Variants in TMEM132B observed in about 807,000 individuals in gnomAD.
TMEM132B encodes the protein transmembrane protein 132B.
TMEM132B carries 18 observed loss-of-function variants against 90.8 expected under a neutral mutation model. The ratio of observed to expected loss-of-function variants is 0.20; its 90% CI spans 0.14 to 0.29. The LOEUF (loss-of-function observed/expected upper bound fraction) is 0.29, where lower values mean the gene tolerates loss of function less well. Ranked by LOEUF, TMEM132B falls within the 10% of genes least tolerant of loss-of-function variation. The pLI, the probability that TMEM132B is intolerant of heterozygous loss-of-function variation, is 1.00. For missense variants in TMEM132B, 1,096 were observed against 1,326.8 expected, an observed-to-expected ratio of 0.83 and a Z score of 2.70; for synonymous variants, 504 against 523.3, an observed-to-expected ratio of 0.96 and a Z score of 0.50.
intron 1 of TMEM132B, among the ~76,000 whole-genome samples, chr12:125,260,536 A>G (rs1387772599): frequency 6.6e-6 from 1 of 150,740 alleles, no homozygotes; most frequent in Non-Finnish European, 1.5e-5. Flanking sequence ...TTTCGTAGAA[A>G]CAAGGTCTTG....
At chr12:125,385,350 A>G (rs1054445920) in intron 2 of TMEM132B, among the ~76,000 whole-genome samples, 4 of 152,172 alleles carry the variant, frequency 2.6e-5, no homozygotes, top group Admixed American at 2.6e-4. Flanking sequence ...GGACCTGTCT[A>G]GCATCTTTTT....
At chr12:125,192,554 T>A (rs1366708109) in intron 1 of TMEM132B, among the ~76,000 whole-genome samples, 2 of 152,220 alleles carry the variant, frequency 1.3e-5, no homozygotes, top group Admixed American at 1.3e-4. Flanking sequence ...CATAGCACAC[T>A]GCAGCCTCAG....
chr12:125,657,336 CGTGTGTGTGTGT>C lies in TMEM132B; in HGVS notation c.*2648_*2659del, dbSNP rs113651659. ...ATAAACGCATATACATACATATACC[CGTGTGTGTGTGT>C]GTGTGTGTGTGTGTGTGTGTGAATA... On this transcript the variant is annotated 3_prime_UTR_variant, in exon 9 of 9. Coordinates refer to ENST00000682704, the MANE Select transcript of TMEM132B (RefSeq NM_001366854.1). 41 of 100,508 alleles carry C rather than the reference CGTGTGTGTGTGT, an allele frequency of 4.1e-4. No homozygotes were observed. The highest frequency in any genetic ancestry group is 1.0e-3 in the African/African-American group (35 of 34,004). 6.2% of individuals were successfully genotyped at this position (100,508 alleles called of 1,614,324 possible). A position where few individuals can be genotyped will look rare whatever the true frequency, so the allele number is the denominator to read the frequency against.
intron 4 of TMEM132B, among the ~76,000 whole-genome samples, chr12:125,577,153 A>C (rs1188601793): frequency 6.6e-6 from 1 of 151,854 alleles, no homozygotes; most frequent in East Asian, 1.9e-4. Context: ...TTAAATTATT[A>C]GTTCAATCTC....
At chr12:125,386,666 C>T (rs930817450) in intron 2 of TMEM132B, among the ~76,000 whole-genome samples, 13 of 152,102 alleles carry the variant, frequency 8.5e-5, no homozygotes, top group East Asian at 1.9e-4. Flanking sequence ...TCCAAAGAGC[C>T]GTGGGGAGCT....
intron 4 of TMEM132B, among the ~76,000 whole-genome samples, chr12:125,576,115 G>T (rs1274447565): frequency 6.6e-6 from 1 of 151,868 alleles, no homozygotes; most frequent in Admixed American, 6.6e-5. Flanking sequence ...ATGAACGTAG[G>T]ATACATTTTA....
In TMEM132B at chr12:125,653,725, A is replaced by G. The variant is rs776154335; in HGVS notation, c.2267A>G (p.Glu756Gly). 6.2e-7 allele frequency: 1 copy of G among 1,614,140 alleles called. No homozygotes were observed. The highest frequency in any genetic ancestry group is 1.1e-5 in the South Asian group (1 of 91,082). Residue 756 changes from glutamate to glycine, a missense_variant, in exon 9 of 9, where the codon GAG (glutamate) becomes GGG (glycine). Physicochemically the swap from Glu to Gly is moderately conservative, Grantham distance 98 (BLOSUM62 -2). Coordinates refer to ENST00000682704, the MANE Select transcript of TMEM132B (RefSeq NM_001366854.1). The stretch of plus-strand genomic sequence containing the variant: ...TCCAAATGGCCAATTGTGGTTGCAG[A>G]GGGTGAAGGACAAGGGCCTTTGATT... ...LESKWPIVVA[E>G]GEGQGPLIKL...
intron 1 of TMEM132B, among the ~76,000 whole-genome samples, chr12:125,331,216 C>G (rs1876761120): frequency 6.6e-6 from 1 of 152,332 alleles, no homozygotes. Context: ...CGGGTCGGTC[C>G]CCTCCTCCGC....
chr12:125,369,592 C>G (rs1353334720), intron 2 of TMEM132B, among the ~76,000 whole-genome samples: 1 of 151,996 alleles, frequency 6.6e-6, no homozygotes, highest in African/African-American at 2.4e-5. Flanking sequence ...AAATGTCAGC[C>G]AGAGAAGTGG....
chr12:125,466,023 T>C (rs1881554320), intron 3 of TMEM132B, among the ~76,000 whole-genome samples: 1 of 152,156 alleles, frequency 6.6e-6, no homozygotes, highest in Non-Finnish European at 1.5e-5. Context: ...ATTTTCTTTA[T>C]AAATTACCCA....
Position 125,333,863 on chromosome 12 carries a change from T to C in TMEM132B, c.68-15589T>C, listed in dbSNP as rs1351032418. On this transcript the variant is annotated intron_variant, in intron 1 of 8. Coordinates refer to ENST00000682704, the MANE Select transcript of TMEM132B (RefSeq NM_001366854.1). ...ATACTGTCCCTGGAGCCTGCTTTTT[T>C]AACCTCTGGCCTAAGTGTTGGGAGA... Among the ~76,000 whole-genome samples the C allele has an allele frequency of 7.2e-5, 11 of 152,350 alleles. 1 individual carries two copies. The South Asian group carries it at 2.3e-3, about 32-fold the overall frequency.
Position 125,589,210 on chromosome 12 carries a change from C to T in TMEM132B, c.1437+5216C>T, listed in dbSNP as rs184993080. 4.5e-3 allele frequency among the ~76,000 whole-genome samples: 689 copies of T among 151,940 alleles called. 4 individuals carry two copies. Among genetic ancestry groups the T allele is most frequent in the African/African-American group, 0.016 (659 of 41,454 alleles). ...ATAAAGAAATACCTGAGGCCGGGCACGGTGGCTCACGCCTGTAATCCCAGC... is the reference window on the plus strand; with the variant it reads ...ATAAAGAAATACCTGAGGCCGGGCATGGTGGCTCACGCCTGTAATCCCAGC... On this transcript the variant is annotated intron_variant, in intron 5 of 8. Coordinates refer to ENST00000682704, the MANE Select transcript of TMEM132B (RefSeq NM_001366854.1).
intron 3 of TMEM132B, among the ~76,000 whole-genome samples, chr12:125,464,271 CTG>C (rs1377701426): frequency 1.3e-5 from 2 of 152,180 alleles, no homozygotes; most frequent in Non-Finnish European, 2.9e-5. Context: ...CAAGAGATGA[CTG>C]GACTCTGTGG....
At chr12:125,323,550 C>T (rs1429267271) in intron 1 of TMEM132B, among the ~76,000 whole-genome samples, 2 of 152,200 alleles carry the variant, frequency 1.3e-5, no homozygotes, top group Non-Finnish European at 2.9e-5. Flanking sequence ...CAGGGTCTCT[C>T]TTGGTCACCC....
At chr12:125,194,269 GGT>G (rs1491337307) in intron 1 of TMEM132B, among the ~76,000 whole-genome samples, 2 of 93,812 alleles carry the variant, frequency 2.1e-5, no homozygotes, top group African/African-American at 2.9e-5. Flanking sequence ...TTAACCCGTT[GGT>G]GGGGGGGTCT....
intron 4 of TMEM132B, among the ~76,000 whole-genome samples, chr12:125,527,266 TTACCCTTCTATCC>T (rs1883502888): frequency 3.6e-5 from 1 of 28,114 alleles, no homozygotes; most frequent in African/African-American, 1.8e-4. Context: ...ATCCACCCGT[TTACCCTTCTATCC>T]ACCCATCCAC....
Position 125,423,544 on chromosome 12 carries a change from A to G in TMEM132B, c.1106+7867A>G, listed in dbSNP as rs527415077. ...GAAAAGAAAAGAAACATTTAAAAACACTCCACTTATTTTTTCTAACCAGTG... is the reference window on the plus strand; with the variant it reads ...GAAAAGAAAAGAAACATTTAAAAACGCTCCACTTATTTTTTCTAACCAGTG... On this transcript the variant is annotated intron_variant, in intron 3 of 8. Transcript: ENST00000682704. Among the ~76,000 whole-genome samples the G allele has an allele frequency of 2.0e-5, 3 of 152,324 alleles. No homozygotes were observed. In the South Asian group the frequency reaches 6.2e-4, roughly 32 times the overall value.
rs1880986058 is a variant in TMEM132B, at chr12:125,445,623, C to T, written c.1106+29946C>T. Among the ~76,000 whole-genome samples the T allele has an allele frequency of 6.6e-6, 1 of 152,170 alleles. No individual in the cohort carries two copies. Among genetic ancestry groups the T allele is most frequent in the Non-Finnish European group, 1.5e-5 (1 of 68,036 alleles). On this transcript the variant is annotated intron_variant, in intron 3 of 8. Transcript: ENST00000682704. This position sits in a 1 kb window ranked among gnomAD's most constrained non-coding sequence, Gnocchi z 4.3. ...GACATCCAGTGTTAGTCACTCCACC[C>T]CAGCTGTGAACCCTGAGCGTGTGAT...
intron 5 of TMEM132B, among the ~76,000 whole-genome samples, chr12:125,639,525 G>A (rs1026102504): frequency 2.0e-5 from 3 of 152,214 alleles, no homozygotes; most frequent in Non-Finnish European, 2.9e-5. Flanking sequence ...AAAGGAGAAA[G>A]GTCCATGTTC....
Sources: allele counts gnomAD v4.1 joint callset (sites outside exome capture counted in the v4.1 genomes callset), GRCh38; gene constraint gnomAD v4.1.1; non-coding constraint Gnocchi (gnomAD v3.1); transcripts MANE v1.5; gene names NCBI Gene and HGNC (gene_info 2026-07-23, HGNC 2026-07-21).